Variants in SPAG16 observed in about 807,000 individuals in gnomAD.
SPAG16 encodes the protein sperm-associated antigen 16 protein.
In SPAG16, 86 loss-of-function variants were observed where a neutral mutation model predicts 80.4. The ratio of observed to expected loss-of-function variants is 1.07; its 90% CI spans 0.90 to 1.28. The LOEUF is 1.28. Ranked by LOEUF, SPAG16 falls within the 50% of genes most tolerant of loss-of-function variation. The probability of loss-of-function intolerance (pLI) is 0.00; values close to 1 mark genes in which losing one functional copy is unlikely to be tolerated. For synonymous variants in SPAG16, 294 were observed against 265.9 expected (o/e 1.11, Z -1.03); for missense variants, 870 against 765.3 (o/e 1.14, Z -1.61).
At chr2:214,039,351 G>T (rs571946525) in intron 13 of SPAG16, among the ~76,000 whole-genome samples, 102 of 152,312 alleles carry the variant, frequency 6.7e-4, no homozygotes, top group Non-Finnish European at 1.2e-3. Context: ...CTTTTGAGAA[G>T]TGTCTGTTCA....
intron 15 of SPAG16, among the ~76,000 whole-genome samples, chr2:214,370,000 A>G (rs780123365): frequency 1.4e-4 from 22 of 152,112 alleles, no homozygotes; most frequent in Non-Finnish European, 2.9e-4. Context: ...TTCAAAGGTC[A>G]AAAATGATCT....
intron 10 of SPAG16, among the ~76,000 whole-genome samples, chr2:213,639,786 T>G (rs1344874570): frequency 3.9e-5 from 6 of 152,324 alleles, no homozygotes; most frequent in African/African-American, 1.4e-4. Context: ...GATGTCTATA[T>G]TTCTAGCTAG....
At chr2:214,377,490 G>T (rs989086957) in intron 15 of SPAG16, among the ~76,000 whole-genome samples, 10 of 152,170 alleles carry the variant, frequency 6.6e-5, no homozygotes, top group African/African-American at 2.2e-4. Context: ...ACAGTACAGT[G>T]AAGGTATTTT....
intron 10 of SPAG16, among the ~76,000 whole-genome samples, chr2:213,661,239 T>G (rs1444769959): frequency 6.6e-6 from 1 of 152,218 alleles, no homozygotes; most frequent in Admixed American, 6.5e-5. Context: ...AGAATATGCC[T>G]CCATAGACTT....
chr2:213,495,327 C>T (rs547896814), intron 10 of SPAG16, among the ~76,000 whole-genome samples: 9 of 152,196 alleles, frequency 5.9e-5, no homozygotes, highest in East Asian at 3.8e-4. Flanking sequence ...AGAAGAAGCA[C>T]GGTTCCCTGA....
chr2:213,855,819 C>T (rs1170878150), intron 10 of SPAG16, among the ~76,000 whole-genome samples: 2 of 152,152 alleles, frequency 1.3e-5, no homozygotes, highest in Non-Finnish European at 2.9e-5. Context: ...ATTTTCTCCA[C>T]CTGGTCCTGC....
intron 9 of SPAG16, among the ~76,000 whole-genome samples, chr2:213,410,815 G>A (rs2068926087): frequency 6.6e-6 from 1 of 152,106 alleles, no homozygotes; most frequent in African/African-American, 2.4e-5. Context: ...GGGCTGCATG[G>A]TAGCTCTTTT....
chr2:214,149,761 C>T (rs1403554562), intron 15 of SPAG16, among the ~76,000 whole-genome samples: 1 of 152,000 alleles, frequency 6.6e-6, no homozygotes, highest in Non-Finnish European at 1.5e-5. Context: ...CAATTATGTG[C>T]TGTGCATTCT....
chr2:214,138,661 T>C (rs991110979), intron 14 of SPAG16, among the ~76,000 whole-genome samples: 3 of 152,176 alleles, frequency 2.0e-5, no homozygotes, highest in Non-Finnish European at 2.9e-5. Flanking sequence ...TGAATGGTCT[T>C]ACTCTTATTA....
At chr2:213,947,751 A>G (rs1321151048) in intron 12 of SPAG16, among the ~76,000 whole-genome samples, 4 of 152,174 alleles carry the variant, frequency 2.6e-5, no homozygotes, top group Non-Finnish European at 5.9e-5. Context: ...GAAAAAATCC[A>G]TAGTCTATGT....
At chr2:213,402,268 C>T (rs1239223429) in intron 9 of SPAG16, among the ~76,000 whole-genome samples, 2 of 151,838 alleles carry the variant, frequency 1.3e-5, no homozygotes, top group Admixed American at 6.6e-5. Flanking sequence ...TAAATATTTC[C>T]TTTCCTCCAT....
intron 11 of SPAG16, among the ~76,000 whole-genome samples, chr2:213,913,123 A>G (rs188917489): frequency 2.1e-4 from 32 of 152,110 alleles, no homozygotes; most frequent in African/African-American, 7.7e-4. Context: ...CTTCATTAAG[A>G]TATGTCAGAA....
rs376909496 is a variant in SPAG16 at position 213,594,648 on chromosome 2, A to T, written c.1070+104558A>T. Among the ~76,000 whole-genome samples the T allele has an allele frequency of 1.3e-3, 200 of 152,274 alleles. 1 individual carries two copies. The highest frequency in any genetic ancestry group is 9.7e-3 in the South Asian group (47 of 4,830). ...TAAGTGATTACTCCTGTGGGTTCCC[A>T]GTAAATGTTATCGCAATTCATCATT... On this transcript the variant is annotated intron_variant, in intron 10 of 15. Coordinates refer to ENST00000331683, the MANE Select transcript of SPAG16 (RefSeq NM_024532.5).
At chr2:213,716,501 A>G (rs1393867163) in intron 10 of SPAG16, among the ~76,000 whole-genome samples, 1 of 152,228 alleles carries the variant, frequency 6.6e-6, no homozygotes, top group African/African-American at 2.4e-5. Flanking sequence ...AAACCAAGAT[A>G]GAGAGTAAGA....
intron 9 of SPAG16, among the ~76,000 whole-genome samples, chr2:213,470,711 G>C (rs1304546601): frequency 1.3e-5 from 2 of 152,194 alleles, no homozygotes; most frequent in African/African-American, 4.8e-5. Context: ...TGGGCCCATT[G>C]GGCCATGACA....
intron 10 of SPAG16, among the ~76,000 whole-genome samples, chr2:213,676,717 A>G (rs2064098639): frequency 2.0e-5 from 3 of 151,382 alleles, no homozygotes; most frequent in Middle Eastern, 3.4e-3. Flanking sequence ...CCAGCCTTGC[A>G]TCCCAGGGAT....
chr2:214,129,158 C>T (rs565934638), intron 14 of SPAG16, among the ~76,000 whole-genome samples: 1 of 152,238 alleles, frequency 6.6e-6, no homozygotes, highest in South Asian at 2.1e-4. Flanking sequence ...CCAGGGTTTT[C>T]TCTGTGCAAC....
At chr2:213,716,917 G>GCCTTTGAAGTTTTTCTTTGCTTT (rs2066260623) in intron 10 of SPAG16, among the ~76,000 whole-genome samples, 1 of 152,050 alleles carries the variant, frequency 6.6e-6, no homozygotes, top group Non-Finnish European at 1.5e-5. Context: ...CATATTCTGA[G>GCCTTTGAAGTTTTTCTTTGCTTT]CCTTTGAAGT....
chr2:213,984,304 T>C (rs1278692730), intron 12 of SPAG16, among the ~76,000 whole-genome samples: 1 of 152,074 alleles, frequency 6.6e-6, no homozygotes, highest in African/African-American at 2.4e-5. Flanking sequence ...TGTTTGACAG[T>C]GTGCACACAC....
Sources: gnomAD v4.1 joint callset for allele counts (sites outside exome capture counted in the v4.1 genomes callset) on GRCh38, gnomAD v4.1.1 for gene constraint, MANE v1.5 for transcripts, NCBI Gene and HGNC (gene_info 2026-07-23, HGNC 2026-07-21) for gene names.